Variants in PFKM observed in about 807,000 individuals in gnomAD.
PFKM encodes phosphofructokinase, muscle, also known as ATP-dependent 6-phosphofructokinase, muscle type.
A neutral mutation model predicts 95.5 loss-of-function variants in PFKM; 58 were observed. The ratio of observed to expected loss-of-function variants is 0.61; its 90% CI spans 0.49 to 0.76. The LOEUF (loss-of-function observed/expected upper bound fraction) is 0.76. Ranked by LOEUF, PFKM falls within the 30% of genes least tolerant of loss-of-function variation. The probability of loss-of-function intolerance (pLI) is 0.00; values close to 1 mark genes in which losing one functional copy is unlikely to be tolerated. For missense variants in PFKM, 678 were observed against 1,005.4 expected (o/e 0.67, Z 4.40); for synonymous variants, 336 against 357.2 (o/e 0.94, Z 0.67).
In PFKM at chr12:48,127,484, G is replaced by A. The variant is rs775208112; in HGVS notation, c.86-2879G>A. Among the ~76,000 whole-genome samples the A allele has an allele frequency of 3.9e-5, 6 of 152,086 alleles. No homozygotes were observed. The East Asian group carries it at 5.8e-4, about 15-fold the overall frequency. The stretch of plus-strand genomic sequence containing the variant: ...TTTACCCTTTGTCTAAATCAATCAC[G>A]GGACATTTTCTCCTTCTCTGACCCT... On this transcript the variant is annotated intron_variant, in intron 2 of 22. Transcript: ENST00000359794.
chr12:48,131,202 C>G (rs1949441990), intron 3 of PFKM, 114 bp from the exon 4 acceptor site: 1 of 775,116 alleles, frequency 1.3e-6, no homozygotes, highest in Non-Finnish European at 2.3e-6. Flanking sequence ...CCAGGACTCA[C>G]TAATGGGAGG....
chr12:48,136,303 T>A (rs1043288766), intron 10 of PFKM, among the ~76,000 whole-genome samples: 1 of 152,136 alleles, frequency 6.6e-6, no homozygotes, highest in Non-Finnish European at 1.5e-5. Context: ...TAGGATTGGC[T>A]TTTTTTTCCA....
In PFKM at chr12:48,140,742, T is replaced by C. The variant is rs1203272613; in HGVS notation, c.1212T>C (p.Ala404=). Residue 404 remains alanine, a synonymous_variant, in exon 14 of 23, where the codon GCT becomes GCC. Transcript: ENST00000359794. ...PVSKSGSHTV[A]VMNVGAPAAG... ...TATAGAGTGGTTCGCACACAGTGGCTGTGATGAACGTGGGGGCTCCGGCTG... is the reference window on the plus strand; with the variant it reads ...TATAGAGTGGTTCGCACACAGTGGCCGTGATGAACGTGGGGGCTCCGGCTG... 6.2e-6 allele frequency: 10 copies of C among 1,614,096 alleles called. No homozygotes were observed. The African/African-American group carries it at 9.3e-5, about 15-fold the overall frequency.
intron 2 of PFKM, among the ~76,000 whole-genome samples, chr12:48,128,957 C>T (rs990723944): frequency 2.0e-5 from 3 of 152,170 alleles, no homozygotes; most frequent in Non-Finnish European, 4.4e-5. Flanking sequence ...AAAGGAATGT[C>T]TCCCATCTCT....
intron 10 of PFKM, among the ~76,000 whole-genome samples, chr12:48,136,030 A>G (rs1950058172): frequency 6.6e-6 from 1 of 152,114 alleles, no homozygotes; most frequent in African/African-American, 2.4e-5. Flanking sequence ...CTGGGACTAC[A>G]GGCGCCTGGA....
intron 2 of PFKM, among the ~76,000 whole-genome samples, chr12:48,123,543 C>CT (rs1354828505): frequency 3.3e-5 from 5 of 151,998 alleles, no homozygotes; most frequent in African/African-American, 1.2e-4. Flanking sequence ...TTAAAAAAAA[C>CT]TTTTTCTCCT....
rs765338220 is a variant in PFKM at position 48,143,684 on chromosome 12, G to A, written c.1819-69G>A. 3.8e-4 allele frequency: 410 copies of A among 1,081,182 alleles called. 2 individuals are homozygous for A. The highest frequency in any genetic ancestry group is 2.0e-4 in the Middle Eastern group (1 of 4,920). The allele number at this position is 1,081,182 out of a possible 1,614,324, so 67.0% of individuals were successfully genotyped here. A position where few individuals can be genotyped will look rare whatever the true frequency, so the allele number is the denominator to read the frequency against. ...CTCTTCCTTCCTGGAGAGGTGTGGT[G>A]TGGAAGATGATTTATACCCAACCTT... On this transcript the variant is annotated intron_variant, in intron 18 of 22. Coordinates refer to ENST00000359794, the MANE Select transcript of PFKM (RefSeq NM_000289.6).
chr12:48,139,714 C>G (rs1950412673), intron 12 of PFKM, 135 bp from the exon 13 acceptor site: 6 of 724,576 alleles, frequency 8.3e-6, no homozygotes, highest in Admixed American at 2.0e-5. Context: ...TGTCCCTGCT[C>G]TGCCCCAGTT....
At chr12:48,120,692 A>C (rs1316116037) in intron 1 of PFKM, among the ~76,000 whole-genome samples, 1 of 152,254 alleles carries the variant, frequency 6.6e-6, no homozygotes, top group Non-Finnish European at 1.5e-5. Context: ...AACATTTTTC[A>C]CATGTCATGA....
intron 2 of PFKM, among the ~76,000 whole-genome samples, chr12:48,124,886 G>C (rs1948666410): frequency 6.6e-6 from 1 of 152,190 alleles, no homozygotes; most frequent in African/African-American, 2.4e-5. Flanking sequence ...CGCCTGCCCA[G>C]AGCTGAGTTT....
chr12:48,130,114 G>A (rs1257578757), intron 2 of PFKM, among the ~76,000 whole-genome samples: 7 of 152,120 alleles, frequency 4.6e-5, no homozygotes. Flanking sequence ...AAAGGTCTTG[G>A]GAAAGGCAGG....
Position 48,142,858 on chromosome 12 carries a change from G to GTGGCTACC in PFKM, c.1739_1746dup (p.Met583TrpfsTer37). 6.2e-7 allele frequency: 1 copy of GTGGCTACC among 1,614,100 alleles called. No individual in the cohort carries two copies. Among genetic ancestry groups the GTGGCTACC allele is most frequent in the Non-Finnish European group, 8.5e-7 (1 of 1,180,000 alleles). ...ATCATTGAGACTATGGGTGGCTACT[G>GTGGCTACC]TGGCTACCTGGCTACCATGGCTGGA... On this transcript the variant is annotated frameshift_variant, in exon 18 of 23. Coordinates refer to ENST00000359794, the MANE Select transcript of PFKM (RefSeq NM_000289.6). LOFTEE classifies it high-confidence loss of function.
intron 3 of PFKM, among the ~76,000 whole-genome samples, chr12:48,110,316 C>G (rs1947068690): frequency 6.6e-6 from 1 of 152,106 alleles, no homozygotes; most frequent in Non-Finnish European, 1.5e-5. Flanking sequence ...TGTGCAGTGC[C>G]TTCTAGGTCT....
At chr12:48,122,537 A>C in intron 1 of PFKM, 6 of 1,352,242 alleles carry the variant, frequency 4.4e-6, no homozygotes, top group African/African-American at 1.5e-5. Flanking sequence ...TCAGGGAGGA[A>C]TTAGGACCTT....
At chr12:48,140,212 T>C (rs1355816659) in intron 13 of PFKM, among the ~76,000 whole-genome samples, 1 of 152,170 alleles carries the variant, frequency 6.6e-6, no homozygotes, top group Non-Finnish European at 1.5e-5. Flanking sequence ...TCTGGGAAAA[T>C]ATGGGAATAA....
chr12:48,109,307 C>T (rs953649009), intron 3 of PFKM, among the ~76,000 whole-genome samples: 12 of 149,370 alleles, frequency 8.0e-5, no homozygotes, highest in Non-Finnish European at 1.8e-4. Flanking sequence ...TTTTCTTTTC[C>T]TTCCTTCCTT....
rs745739278 is a variant in PFKM at position 48,145,123 on chromosome 12, C to T, written c.2085C>T (p.Tyr695=). 2.0e-5 allele frequency: 32 copies of T among 1,613,740 alleles called. No individual in the cohort carries two copies. The South Asian group carries it at 3.4e-4, about 17-fold the overall frequency. Reference sequence around the variant, plus strand: ...TGTCTGGGAAAATCAAAGAGAGTTACCGTAATGGTAGGTGGGGTGAGAGCG... The same window carrying T: ...TGTCTGGGAAAATCAAAGAGAGTTATCGTAATGGTAGGTGGGGTGAGAGCG... ...NWMSGKIKES[Y]RNGRIFANTP... Residue 695 remains tyrosine, a synonymous_variant, in exon 21 of 23, where the codon TAC becomes TAT. Coordinates refer to ENST00000359794, the MANE Select transcript of PFKM (RefSeq NM_000289.6). The surrounding 1 kb of genome is among the most constrained non-coding windows in gnomAD (Gnocchi z 4.3).
Position 48,128,765 on chromosome 12 carries a change from G to C in PFKM, c.86-1598G>C, listed in dbSNP as rs576581349. ...ATTACTAGCTCTCTTAGTGCTTGTTGGTATATTACATTTCTCCAGGCAGGG... is the reference window on the plus strand; with the variant it reads ...ATTACTAGCTCTCTTAGTGCTTGTTCGTATATTACATTTCTCCAGGCAGGG... On this transcript the variant is annotated intron_variant, in intron 2 of 22. Transcript: ENST00000359794. 7.2e-5 allele frequency among the ~76,000 whole-genome samples: 11 copies of C among 152,128 alleles called. No individual in the cohort carries two copies. In the South Asian group the frequency reaches 2.3e-3, roughly 32 times the overall value.
At chr12:48,124,521 A>G (rs1325370027) in intron 2 of PFKM, among the ~76,000 whole-genome samples, 1 of 152,146 alleles carries the variant, frequency 6.6e-6, no homozygotes, top group Non-Finnish European at 1.5e-5. Flanking sequence ...GAGAGAAAGA[A>G]AGGTCAGACT....
Sources: allele counts gnomAD v4.1 joint callset (sites outside exome capture counted in the v4.1 genomes callset), GRCh38; gene constraint gnomAD v4.1.1; non-coding constraint Gnocchi (gnomAD v3.1); transcripts MANE v1.5; gene names NCBI Gene and HGNC (gene_info 2026-07-23, HGNC 2026-07-21).